The following NTRK2 variants were observed in gnomAD, a reference collection of about 807,000 sequenced individuals.
NTRK2 encodes neurotrophic receptor tyrosine kinase 2.
A neutral mutation model predicts 94.5 loss-of-function variants in NTRK2; 13 were observed. That is an observed-to-expected ratio of 0.14 (90% CI 0.09 to 0.22). NTRK2 has a LOEUF of 0.22. Among genes scored for constraint, NTRK2 ranks in the 10% least tolerant of loss-of-function variants. The pLI is 1.00. For synonymous variants in NTRK2, 372 were observed against 407.4 expected (o/e 0.91, Z 1.05); for missense variants, 639 against 1,071.2 (o/e 0.60, Z 5.63).
intron 14 of NTRK2, among the ~76,000 whole-genome samples, chr9:84,898,743 C>T (rs1049616795): frequency 1.3e-5 from 2 of 151,742 alleles, no homozygotes; most frequent in African/African-American, 4.8e-5. Flanking sequence ...CGCTCTGTTG[C>T]CCAGGCTGGA....
intron 12 of NTRK2, among the ~76,000 whole-genome samples, chr9:84,844,608 A>C (rs2074363924): frequency 6.6e-6 from 1 of 151,012 alleles, no homozygotes; most frequent in Non-Finnish European, 1.5e-5. Context: ...AGTGTTAATC[A>C]TGAGGGAAAT....
intron 14 of NTRK2, among the ~76,000 whole-genome samples, chr9:84,913,277 C>G (rs1347645496): frequency 3.3e-5 from 5 of 152,040 alleles, no homozygotes; most frequent in Admixed American, 3.3e-4. Context: ...ATATATATAA[C>G]TTATTACAGT....
chr9:84,963,719 A>C (rs541966776), intron 17 of NTRK2, among the ~76,000 whole-genome samples: 1 of 152,314 alleles, frequency 6.6e-6, no homozygotes, highest in South Asian at 2.1e-4. Flanking sequence ...ATGGACTCCA[A>C]TTTCACTTAT....
At chr9:84,799,333 T>G (rs1227207278) in intron 12 of NTRK2, among the ~76,000 whole-genome samples, 2 of 152,266 alleles carry the variant, frequency 1.3e-5, no homozygotes, top group East Asian at 3.9e-4. Context: ...ATAGTGGCAA[T>G]GCAGGTTGGA....
intron 17 of NTRK2, among the ~76,000 whole-genome samples, chr9:84,974,743 CCTTTGTAGGT>C (rs1186274548): frequency 6.6e-6 from 1 of 152,180 alleles, no homozygotes; most frequent in African/African-American, 2.4e-5. Flanking sequence ...TTGGTTTCCA[CCTTTGTAGGT>C]CCCCTTAGAA....
intron 14 of NTRK2, among the ~76,000 whole-genome samples, chr9:84,882,878 C>T: frequency 6.6e-6 from 1 of 152,166 alleles, no homozygotes; most frequent in East Asian, 1.9e-4. Flanking sequence ...ATTTTCCTGC[C>T]TTAGCCTCCT....
rs935965885 is a variant in NTRK2 at position 84,849,297 on chromosome 9, C to T, written c.1397-11743C>T. Among the ~76,000 whole-genome samples the T allele has an allele frequency of 1.1e-4, 17 of 152,188 alleles. No homozygotes were observed. The South Asian group carries it at 1.5e-3, about 13-fold the overall frequency. On this transcript the variant is annotated intron_variant, in intron 12 of 18. Coordinates refer to ENST00000277120, the MANE Select transcript of NTRK2 (RefSeq NM_006180.6). ...TCACTGTGGCAGGATGAAGAGGAAG[C>T]GAAAAACCCAGGACTGACTATTCAA... is the stretch of plus-strand genomic sequence containing the variant.
At chr9:84,940,299 A>G (rs1051701812) in intron 15 of NTRK2, among the ~76,000 whole-genome samples, 1 of 152,218 alleles carries the variant, frequency 6.6e-6, no homozygotes, top group Non-Finnish European at 1.5e-5. Context: ...TGATGAGAAG[A>G]GCTGGTATCT....
chr9:84,697,748 C>T (rs998500976), intron 2 of NTRK2, among the ~76,000 whole-genome samples: 1 of 152,158 alleles, frequency 6.6e-6, no homozygotes, highest in African/African-American at 2.4e-5. Context: ...TGTTTCCATG[C>T]GGAGGCTGTG....
At chr9:84,862,523 T>C (rs1587722623) in intron 13 of NTRK2, among the ~76,000 whole-genome samples, 1 of 152,350 alleles carries the variant, frequency 6.6e-6, no homozygotes, top group East Asian at 1.9e-4. Flanking sequence ...TTTACTGTTT[T>C]AGGCCACAGC....
At chr9:84,985,694 G>A (rs1032235821) in intron 17 of NTRK2, among the ~76,000 whole-genome samples, 1 of 152,218 alleles carries the variant, frequency 6.6e-6, no homozygotes, top group Non-Finnish European at 1.5e-5. Flanking sequence ...ATTTTAAGAT[G>A]CAAGATTCAT....
intron 12 of NTRK2, among the ~76,000 whole-genome samples, chr9:84,806,217 G>C (rs1454250116): frequency 6.6e-6 from 1 of 152,120 alleles, no homozygotes; most frequent in Non-Finnish European, 1.5e-5. Context: ...ATAAACACAA[G>C]TTTTAAAAGG....
intron 14 of NTRK2, among the ~76,000 whole-genome samples, chr9:84,905,410 T>C (rs747494116): frequency 3.3e-5 from 5 of 152,100 alleles, no homozygotes; most frequent in Non-Finnish European, 5.9e-5. Context: ...CTGCTTCACC[T>C]GAAGGATAGA....
At chr9:84,891,096 G>A (rs561757660) in intron 14 of NTRK2, among the ~76,000 whole-genome samples, 17 of 152,236 alleles carry the variant, frequency 1.1e-4, no homozygotes, top group African/African-American at 4.1e-4. Flanking sequence ...TGATAGGAAA[G>A]TCCAAAATGG....
At chr9:84,915,749 CA>C (rs1035905663) in intron 14 of NTRK2, among the ~76,000 whole-genome samples, 1 of 152,158 alleles carries the variant, frequency 6.6e-6, no homozygotes, top group African/African-American at 2.4e-5. Flanking sequence ...TTCCCAGAAG[CA>C]GAAGTTACAT....
At chr9:84,912,428 C>T (rs2077263647) in intron 14 of NTRK2, among the ~76,000 whole-genome samples, 1 of 151,982 alleles carries the variant, frequency 6.6e-6, no homozygotes, top group South Asian at 2.1e-4. Flanking sequence ...TTTCAGCTCA[C>T]ATTTAGGTTT....
chr9:84,831,001 C>A (rs10512155), intron 12 of NTRK2, among the ~76,000 whole-genome samples: 6,770 of 152,186 alleles, frequency 0.044, 196 homozygotes, highest in Admixed American at 0.087. Flanking sequence ...ACAAGGATTT[C>A]TTCATGGAGT....
chr9:84,926,169 CCTTTCTTTCTTTCTTTCTTTCTTTCTTT>C (rs869183621), intron 14 of NTRK2, among the ~76,000 whole-genome samples: 23 of 38,564 alleles, frequency 6.0e-4, no homozygotes, highest in South Asian at 1.1e-3. Flanking sequence ...TTCCTTCCTT[CCTTTCTTTCTTTCTTTCTTTCTTTCTTT>C]CTTTCTTTCT....
intron 12 of NTRK2, among the ~76,000 whole-genome samples, chr9:84,753,845 G>A (rs572045675): frequency 8.5e-5 from 13 of 152,274 alleles, no homozygotes; most frequent in African/African-American, 2.9e-4. Context: ...GAGCTTTTTG[G>A]AGAGAGGATA....
Sources: allele counts gnomAD v4.1 joint callset (sites outside exome capture counted in the v4.1 genomes callset), GRCh38; gene constraint gnomAD v4.1.1; transcripts MANE v1.5; gene names NCBI Gene and HGNC (gene_info 2026-07-23, HGNC 2026-07-21).